NTN4: variants seen among roughly 807,000 people sequenced by gnomAD.
NTN4 encodes netrin-4.
Under a neutral mutation model 73.6 loss-of-function variants are expected in NTN4, and 32 were observed. The observed-to-expected ratio is 0.44, with a 90% CI of 0.33 to 0.58. The LOEUF is 0.58. Ranked by LOEUF, NTN4 falls within the 20% of genes least tolerant of loss-of-function variation. NTN4 has a pLI of 0.04. For synonymous variants in NTN4, 258 were observed against 287.5 expected (o/e 0.90, Z 1.04); for missense variants, 654 against 798.3 (o/e 0.82, Z 2.18).
intron 2 of NTN4, among the ~76,000 whole-genome samples, chr12:95,786,697 T>C (rs1478204506): frequency 6.6e-6 from 1 of 152,184 alleles, no homozygotes; most frequent in African/African-American, 2.4e-5. Flanking sequence ...TCTGCTCTTT[T>C]TTATATGTGA....
chr12:95,689,364 T>A (rs889083779), intron 5 of NTN4, among the ~76,000 whole-genome samples: 13 of 152,314 alleles, frequency 8.5e-5, no homozygotes, highest in Middle Eastern at 3.4e-3. Context: ...CTCTCATTAT[T>A]CTCTTGCATA....
chr12:95,746,229 T>C (rs1020325862), intron 2 of NTN4, among the ~76,000 whole-genome samples: 7 of 152,170 alleles, frequency 4.6e-5, no homozygotes, highest in African/African-American at 1.7e-4. Context: ...TATCTGCAGT[T>C]CCCAGGAATT....
chr12:95,770,999 T>TTTTTTTG (rs1555221597), intron 2 of NTN4, among the ~76,000 whole-genome samples: 1 of 144,324 alleles, frequency 6.9e-6, no homozygotes, highest in African/African-American at 2.7e-5. Context: ...TTTGTTTTTT[T>TTTTTTTG]TTTTTTTTGA....
At chr12:95,722,965 C>A in intron 3 of NTN4, among the ~76,000 whole-genome samples, 1 of 89,008 alleles carries the variant, frequency 1.1e-5, no homozygotes, top group South Asian at 5.4e-4. Flanking sequence ...CAGAGTGAGA[C>A]TCTGTCTCAA....
intron 3 of NTN4, among the ~76,000 whole-genome samples, chr12:95,729,643 G>A (rs1034118758): frequency 1.7e-4 from 23 of 138,436 alleles, no homozygotes; most frequent in African/African-American, 7.7e-4. Context: ...GTGTGTGTGT[G>A]TGTGTGTGTG....
At position 95,729,650 on chromosome 12, in the gene NTN4, T is replaced by A. The variant is rs1255795666; in HGVS notation, c.864+8216A>T. Among the ~76,000 whole-genome samples the A allele has an allele frequency of 8.8e-4, 134 of 151,516 alleles. 2 individuals carry two copies. The highest frequency in any genetic ancestry group is 2.4e-3 in the African/African-American group (97 of 41,196). On this transcript the variant is annotated intron_variant, in intron 3 of 9. Coordinates refer to ENST00000343702, the MANE Select transcript of NTN4 (RefSeq NM_021229.4). ...GAGAGAGAGTGTGTGTGTGTGTGTGTGTGTGTGTGTGTGTGTGTGTGTGTA... is the reference window on the plus strand; with the variant it reads ...GAGAGAGAGTGTGTGTGTGTGTGTGAGTGTGTGTGTGTGTGTGTGTGTGTA...
chr12:95,755,567 G>A (rs1471118328), intron 2 of NTN4, among the ~76,000 whole-genome samples: 2 of 152,148 alleles, frequency 1.3e-5, no homozygotes, highest in Admixed American at 1.3e-4. Context: ...TTATACTCTG[G>A]AGCATTCGGC....
chr12:95,762,964 G>T (rs753972866), intron 2 of NTN4, among the ~76,000 whole-genome samples: 1 of 152,116 alleles, frequency 6.6e-6, no homozygotes, highest in African/African-American at 2.4e-5. Context: ...TATAAATTCC[G>T]ACTGTGTCTC....
chr12:95,659,234 CA>C lies in NTN4; in HGVS notation c.1751-13del, dbSNP rs2078117134. Reference sequence around the variant, plus strand: ...AAGGTATTCCAAACCTAAAAAAGAACAAAATTAGGGGCTATACAGTATCATA... The same window carrying C: ...AAGGTATTCCAAACCTAAAAAAGAACAAATTAGGGGCTATACAGTATCATA... On this transcript the variant is annotated splice_polypyrimidine_tract_variant and intron_variant, in intron 9 of 9. Coordinates refer to ENST00000343702, the MANE Select transcript of NTN4 (RefSeq NM_021229.4). 6.2e-7 allele frequency: 1 copy of C among 1,603,886 alleles called. No homozygotes were observed. Among genetic ancestry groups the C allele is most frequent in the Non-Finnish European group, 8.5e-7 (1 of 1,175,474 alleles).
intron 7 of NTN4, among the ~76,000 whole-genome samples, 182 bp from the exon 8 acceptor site, chr12:95,670,328 T>G (rs148969451): frequency 6.6e-6 from 1 of 152,220 alleles, no homozygotes; most frequent in East Asian, 1.9e-4. Context: ...CTTTCTAAAT[T>G]AGTTATCTTC....
chr12:95,675,364 T>A (rs1045050667), intron 7 of NTN4, among the ~76,000 whole-genome samples: 1 of 152,230 alleles, frequency 6.6e-6, no homozygotes, highest in Non-Finnish European at 1.5e-5. Flanking sequence ...GTTTTAAAAC[T>A]GTGATTTCTT....
intron 2 of NTN4, among the ~76,000 whole-genome samples, chr12:95,779,844 G>C (rs895917480): frequency 6.6e-6 from 1 of 152,192 alleles, no homozygotes; most frequent in Admixed American, 6.5e-5. Context: ...AGCCTGCATT[G>C]CCAAGTCAGT....
At chr12:95,745,440 C>T (rs778912027) in intron 2 of NTN4, among the ~76,000 whole-genome samples, 2 of 151,968 alleles carry the variant, frequency 1.3e-5, no homozygotes, top group African/African-American at 4.8e-5. Context: ...GTCTACTAAT[C>T]CTGTTTGGTA....
intron 3 of NTN4, among the ~76,000 whole-genome samples, chr12:95,734,912 G>A (rs1478813173): frequency 6.6e-6 from 1 of 152,144 alleles, no homozygotes; most frequent in African/African-American, 2.4e-5. Flanking sequence ...AGTGGCACAT[G>A]TCTATAGTCC....
intron 2 of NTN4, among the ~76,000 whole-genome samples, chr12:95,746,266 C>T (rs931794287): frequency 6.6e-6 from 1 of 152,166 alleles, no homozygotes; most frequent in Non-Finnish European, 1.5e-5. Flanking sequence ...CCCAAAGCCC[C>T]GCGTCTATCA....
At chr12:95,755,498 G>GTACC (rs2078941599) in intron 2 of NTN4, among the ~76,000 whole-genome samples, 1 of 152,184 alleles carries the variant, frequency 6.6e-6, no homozygotes, top group Non-Finnish European at 1.5e-5. Context: ...TTTAAGTGAA[G>GTACC]TACCTACTTG....
intron 9 of NTN4, among the ~76,000 whole-genome samples, chr12:95,661,437 A>G (rs936783063): frequency 6.6e-6 from 1 of 152,244 alleles, no homozygotes; most frequent in African/African-American, 2.4e-5. Context: ...TCATTAAATG[A>G]ATGATTAATG....
intron 8 of NTN4, among the ~76,000 whole-genome samples, chr12:95,667,248 G>GGTGC (rs2078188195): frequency 6.7e-6 from 1 of 148,996 alleles, no homozygotes; most frequent in Non-Finnish European, 1.5e-5. Context: ...GGAGTACAAT[G>GGTGC]GTGCGATCTT....
intron 2 of NTN4, among the ~76,000 whole-genome samples, chr12:95,777,109 G>A (rs1484729744): frequency 6.6e-6 from 1 of 152,154 alleles, no homozygotes; most frequent in Non-Finnish European, 1.5e-5. Context: ...ACAAGCAAAT[G>A]CTGAGAGATT....
Sources: gnomAD v4.1 joint callset for allele counts (sites outside exome capture counted in the v4.1 genomes callset) on GRCh38, gnomAD v4.1.1 for gene constraint, MANE v1.5 for transcripts, NCBI Gene and HGNC (gene_info 2026-07-23, HGNC 2026-07-21) for gene names.